Variants in ERC2 observed in about 807,000 individuals in gnomAD.
ERC2 encodes ELKS/RAB6-interacting/CAST family member 2, also known as ERC protein 2.
Under a neutral mutation model 114.8 loss-of-function variants are expected in ERC2, and 42 were observed. That is an observed-to-expected ratio of 0.37 (90% confidence interval 0.29 to 0.47). The LOEUF (loss-of-function observed/expected upper bound fraction) is 0.47, where lower values mean the gene tolerates loss of function less well. ERC2 is among the 20% of genes least tolerant of loss of function. The pLI, the probability that ERC2 is intolerant of heterozygous loss-of-function variation, is 0.99. For synonymous variants in ERC2, 454 were observed against 425.5 expected, an observed-to-expected ratio of 1.07 and a Z score of -0.82; for missense variants, 939 against 1,150.7, an observed-to-expected ratio of 0.82 and a Z score of 2.66.
intron 2 of ERC2, among the ~76,000 whole-genome samples, chr3:56,417,814 G>A (rs893404706): frequency 2.0e-5 from 3 of 152,182 alleles, no homozygotes; most frequent in Admixed American, 2.0e-4. Flanking sequence ...TGAACAGGCA[G>A]CATATCAGAT....
chr3:55,752,990 T>C (rs1294738658), intron 14 of ERC2, among the ~76,000 whole-genome samples: 4 of 152,160 alleles, frequency 2.6e-5, no homozygotes, highest in Non-Finnish European at 5.9e-5. Context: ...CATTTGATTG[T>C]ATATTTATTT....
At chr3:56,033,666 G>C (rs934693850) in intron 7 of ERC2, among the ~76,000 whole-genome samples, 7 of 152,032 alleles carry the variant, frequency 4.6e-5, no homozygotes, top group Admixed American at 4.6e-4. Context: ...TGGTTGGCAG[G>C]TTTTTTTCTT....
At chr3:55,847,554 A>T (rs1195543112) in intron 14 of ERC2, among the ~76,000 whole-genome samples, 2 of 152,222 alleles carry the variant, frequency 1.3e-5, no homozygotes, top group African/African-American at 4.8e-5. Flanking sequence ...AAAGCTGTGC[A>T]TCATCACCAG....
At chr3:55,706,057 G>A (rs2063464557) in intron 15 of ERC2, among the ~76,000 whole-genome samples, 1 of 151,956 alleles carries the variant, frequency 6.6e-6, no homozygotes, top group Non-Finnish European at 1.5e-5. Flanking sequence ...GCCAGGGAAT[G>A]GGGCAGATGG....
At chr3:55,944,852 G>C (rs1316788332) in intron 13 of ERC2, among the ~76,000 whole-genome samples, 2 of 152,200 alleles carry the variant, frequency 1.3e-5, no homozygotes, top group African/African-American at 4.8e-5. Context: ...GCACTTCTGT[G>C]CTGACCCTCA....
At chr3:55,619,568 C>T (rs1300372290) in intron 17 of ERC2, among the ~76,000 whole-genome samples, 5 of 152,126 alleles carry the variant, frequency 3.3e-5, no homozygotes, top group Admixed American at 6.5e-5. Flanking sequence ...TGCAGTGAAA[C>T]GTACGATAAT....
intron 12 of ERC2, among the ~76,000 whole-genome samples, chr3:55,951,058 C>T (rs781368836): frequency 8.5e-5 from 13 of 152,138 alleles, no homozygotes; most frequent in South Asian, 6.2e-4. Context: ...GAGAACAATG[C>T]GTGTAATTTC....
chr3:56,375,877 G>A (rs2059521647), intron 2 of ERC2, among the ~76,000 whole-genome samples: 1 of 152,176 alleles, frequency 6.6e-6, no homozygotes, highest in African/African-American at 2.4e-5. Context: ...ATCACTCTGA[G>A]GGAAGTCAGC....
At chr3:55,806,555 A>AT (rs1235238875) in intron 14 of ERC2, among the ~76,000 whole-genome samples, 1 of 151,996 alleles carries the variant, frequency 6.6e-6, no homozygotes, top group East Asian at 1.9e-4. Flanking sequence ...CCCAGGGGTG[A>AT]TTTTGCTACA....
intron 1 of ERC2, among the ~76,000 whole-genome samples, chr3:56,435,585 T>C (rs2061982717): frequency 6.6e-6 from 1 of 152,236 alleles, no homozygotes; most frequent in Non-Finnish European, 1.5e-5. Context: ...GAGAAGCTGC[T>C]GATTCCTGGG....
At position 56,235,335 on chromosome 3, in the gene ERC2, T is replaced by C. The variant is rs150614738; in HGVS notation, c.1074+60684A>G. Reference sequence around the variant, plus strand: ...AAAGAAATAATTACACAAACAGTTGTAATAGTGATATTTGCTACTTGCCAT... The same window carrying C: ...AAAGAAATAATTACACAAACAGTTGCAATAGTGATATTTGCTACTTGCCAT... On this transcript the variant is annotated intron_variant, in intron 3 of 17. Coordinates refer to ENST00000288221, the MANE Select transcript of ERC2 (RefSeq NM_015576.3). Among the ~76,000 whole-genome samples, 672 of 152,308 alleles carry C rather than the reference T, an allele frequency of 4.4e-3. 7 individuals carry two copies. Among genetic ancestry groups the C allele is most frequent in the African/African-American group, 0.016 (654 of 41,560 alleles).
chr3:56,032,879 GAA>G (rs1434902933), intron 7 of ERC2, among the ~76,000 whole-genome samples: 120 of 113,412 alleles, frequency 1.1e-3, no homozygotes, highest in African/African-American at 2.4e-3. Context: ...AAGAAAGAAA[GAA>G]AGAAAGAGAG....
At chr3:56,076,503 A>T (rs976619083) in intron 7 of ERC2, among the ~76,000 whole-genome samples, 1 of 152,194 alleles carries the variant, frequency 6.6e-6, no homozygotes, top group South Asian at 2.1e-4. Flanking sequence ...AGGTATGGGA[A>T]CAGAAAACTA....
chr3:56,440,602 A>G (rs1452635308), intron 1 of ERC2, among the ~76,000 whole-genome samples: 1 of 151,318 alleles, frequency 6.6e-6, no homozygotes, highest in Non-Finnish European at 1.5e-5. Flanking sequence ...TCCTGCTGTA[A>G]TCCCAGCTAC....
intron 2 of ERC2, among the ~76,000 whole-genome samples, chr3:56,391,174 G>A (rs1386739789): frequency 5.9e-5 from 9 of 152,134 alleles, no homozygotes; most frequent in East Asian, 1.9e-4. Context: ...AATGCTGAAC[G>A]AGGTTCCCCA....
chr3:56,069,927 GAAAGTAC>G (rs1302316445), intron 7 of ERC2, among the ~76,000 whole-genome samples: 1 of 152,100 alleles, frequency 6.6e-6, no homozygotes, highest in Non-Finnish European at 1.5e-5. Context: ...GAGTACAAAG[GAAAGTAC>G]AAAGTACAAA....
intron 14 of ERC2, among the ~76,000 whole-genome samples, chr3:55,842,825 G>A (rs1438552907): frequency 6.6e-6 from 1 of 152,084 alleles, no homozygotes; most frequent in African/African-American, 2.4e-5. Flanking sequence ...TCAAACGTTA[G>A]AGGTTCTAAC....
Position 55,568,204 on chromosome 3 carries a change from C to T in ERC2, c.*40-56928G>A, listed in dbSNP as rs116729581. Among the ~76,000 whole-genome samples, 781 of 152,256 alleles carry T rather than the reference C, an allele frequency of 5.1e-3. 7 individuals carry two copies. The highest frequency in any genetic ancestry group is 0.018 in the African/African-American group (760 of 41,534). On this transcript the variant is annotated intron_variant, in intron 17 of 17. Coordinates refer to ENST00000288221, the MANE Select transcript of ERC2 (RefSeq NM_015576.3). ...AATCTCATGTTCTCTCAGTGTCTCC[C>T]AGGAGGTTGCCCTCTGAATTGTGAT... is the stretch of plus-strand genomic sequence containing the variant.
intron 2 of ERC2, among the ~76,000 whole-genome samples, chr3:56,343,077 T>A (rs2150499029): frequency 6.6e-6 from 1 of 152,142 alleles, no homozygotes; most frequent in Middle Eastern, 3.4e-3. Context: ...CACCATCAGG[T>A]TGAATATTCC....
Sources: gnomAD v4.1 joint callset for allele counts (sites outside exome capture counted in the v4.1 genomes callset) on GRCh38, gnomAD v4.1.1 for gene constraint, MANE v1.5 for transcripts, NCBI Gene and HGNC (gene_info 2026-07-23, HGNC 2026-07-21) for gene names.